The following CBL variants were observed in gnomAD, a reference collection of about 807,000 sequenced individuals.
CBL encodes the protein E3 ubiquitin-protein ligase CBL.
A neutral mutation model predicts 96.9 loss-of-function variants in CBL; 45 were observed. The ratio of observed to expected loss-of-function variants is 0.46; its 90% CI spans 0.37 to 0.60. The LOEUF (loss-of-function observed/expected upper bound fraction) is 0.60. Ranked by LOEUF, CBL falls within the 20% of genes least tolerant of loss-of-function variation. The pLI, the probability that CBL is intolerant of heterozygous loss-of-function variation, is 0.00. For missense variants in CBL, 1,024 were observed against 1,143.5 expected (o/e 0.90, Z 1.51); for synonymous variants, 420 against 426.8 (o/e 0.98, Z 0.20).
At chr11:119,298,290 C>T in intron 14 of CBL, 68 bp from the exon 15 acceptor site, 3 of 1,360,758 alleles carry the variant, frequency 2.2e-6, no homozygotes, top group African/African-American at 1.4e-5. Flanking sequence ...TGAATGGCTG[C>T]CCCGTATTGA....
intron 2 of CBL, 57 bp from the exon 3 acceptor site, chr11:119,271,678 G>A (rs1949849878): frequency 3.5e-6 from 5 of 1,412,914 alleles, no homozygotes; most frequent in South Asian, 2.3e-5. Context: ...TGAATTTGGT[G>A]CATTTAAAAT....
intron 1 of CBL, among the ~76,000 whole-genome samples, chr11:119,230,521 G>A (rs1015000255): frequency 2.0e-5 from 3 of 152,114 alleles, no homozygotes; most frequent in African/African-American, 7.2e-5. Context: ...AGGTTGTTTT[G>A]AACCAAATAT....
chr11:119,288,497 C>T (rs565690281), intron 12 of CBL, among the ~76,000 whole-genome samples: 26 of 151,872 alleles, frequency 1.7e-4, no homozygotes, highest in African/African-American at 5.3e-4. Flanking sequence ...AGAGAGAGCA[C>T]GCACAAGCTC....
At chr11:119,211,507 T>C (rs1395171986) in intron 1 of CBL, among the ~76,000 whole-genome samples, 1 of 152,056 alleles carries the variant, frequency 6.6e-6, no homozygotes, top group African/African-American at 2.4e-5. Flanking sequence ...TTACAACTCT[T>C]TTTATTTTTT....
chr11:119,287,991 G>A (rs781112636), intron 12 of CBL, 45 bp downstream of exon 12: 4 of 1,341,106 alleles, frequency 3.0e-6, no homozygotes, highest in Admixed American at 1.7e-5. Context: ...GTTGTTACTT[G>A]TAAAAAGCTT....
At chr11:119,207,336 T>C (rs964754395) in intron 1 of CBL, among the ~76,000 whole-genome samples, 2 of 152,236 alleles carry the variant, frequency 1.3e-5, no homozygotes, top group South Asian at 2.1e-4. Context: ...TATTATCTTC[T>C]GAAAGATGGA....
chr11:119,210,128 A>G (rs969100185), intron 1 of CBL, among the ~76,000 whole-genome samples: 1 of 152,114 alleles, frequency 6.6e-6, no homozygotes, highest in African/African-American at 2.4e-5. Context: ...TGTAATCCCA[A>G]CACTTTGGGA....
intron 11 of CBL, among the ~76,000 whole-genome samples, chr11:119,287,441 A>G (rs1228086388): frequency 2.0e-5 from 3 of 152,200 alleles, no homozygotes; most frequent in African/African-American, 7.2e-5. Context: ...TTGCAGAGAA[A>G]GGGTAATGCT....
At chr11:119,245,072 T>C (rs1367738792) in intron 2 of CBL, among the ~76,000 whole-genome samples, 1 of 151,798 alleles carries the variant, frequency 6.6e-6, no homozygotes, top group African/African-American at 2.4e-5. Flanking sequence ...GGGTCCCACT[T>C]TGTTGCCCAG....
Position 119,299,491 on chromosome 11 carries a change from C to G in CBL, c.2435-4C>G, listed in dbSNP as rs770832773. 6.2e-7 allele frequency: 1 copy of G among 1,613,718 alleles called. No homozygotes were observed. The highest frequency in any genetic ancestry group is 1.3e-5 in the African/African-American group (1 of 75,038). The stretch of plus-strand genomic sequence containing the variant: ...GCAAATATTTTCTTTCCTATTTCTT[C>G]TAGATGTCACTGAAGGTTCCCAAGT... On this transcript the variant is annotated splice_polypyrimidine_tract_variant and splice_region_variant and intron_variant, in intron 15 of 15. Coordinates refer to ENST00000264033, the MANE Select transcript of CBL (RefSeq NM_005188.4).
At chr11:119,239,641 G>A (rs750249259) in intron 2 of CBL, among the ~76,000 whole-genome samples, 11 of 152,144 alleles carry the variant, frequency 7.2e-5, no homozygotes, top group Non-Finnish European at 1.3e-4. Flanking sequence ...ATCAGGAGTG[G>A]CCATCTTTGT....
At chr11:119,228,013 G>A (rs754382164) in intron 1 of CBL, among the ~76,000 whole-genome samples, 12 of 151,380 alleles carry the variant, frequency 7.9e-5, no homozygotes, top group Non-Finnish European at 1.8e-4. Flanking sequence ...TTAACTTACA[G>A]CCTCCATATG....
chr11:119,277,108 G>T (rs1053595099), intron 6 of CBL, among the ~76,000 whole-genome samples: 21 of 152,100 alleles, frequency 1.4e-4, no homozygotes, highest in Non-Finnish European at 1.3e-4. Context: ...TTAGCCGGAC[G>T]TGGTGGTGGG....
chr11:119,206,510 C>A lies in CBL; in HGVS notation c.93C>A (p.Asp31Glu), dbSNP rs376679438. The A allele has an allele frequency of 2.7e-5, 42 of 1,562,144 alleles. No individual in the cohort carries two copies. Among genetic ancestry groups the A allele is most frequent in the Non-Finnish European group, 3.6e-5 (42 of 1,154,790 alleles). ...GTGGCCTGATTGGGCTCATGAAGGA[C>A]GCCTTCCAGCCGCACCACCACCACC... is the stretch of plus-strand genomic sequence containing the variant. The part of the protein sequence containing the change: ...GSGGLIGLMK[D>E]AFQPHHHHHH... Residue 31 changes from aspartate to glutamate, a missense_variant, in exon 1 of 16, where the codon GAC becomes GAA. Transcript: ENST00000264033.
Position 119,299,740 on chromosome 11 carries a change from G to C in CBL, c.2680G>C (p.Glu894Gln), listed in dbSNP as rs1318882408. ...CGAGATGGCCAAAAACATCCTCCGG[G>C]AATTTGTTTCCATTTCTTCTCCTGC... ...NIEMAKNILR[E>Q]FVSISSPAHV... Residue 894 changes from glutamate (E) to glutamine (Q), a missense_variant, in exon 16 of 16, where the codon GAA becomes CAA. Glu to Gln is a conservative substitution (Grantham distance 29). This residue lies in a region of CBL where 23 missense variants were observed against 42.7 expected (regional missense o/e 0.54). Coordinates refer to ENST00000264033, the MANE Select transcript of CBL (RefSeq NM_005188.4). The C allele has an allele frequency of 6.2e-7, 1 of 1,614,194 alleles. No homozygotes were observed. Among genetic ancestry groups the C allele is most frequent in the Non-Finnish European group, 8.5e-7 (1 of 1,180,042 alleles).
intron 5 of CBL, among the ~76,000 whole-genome samples, chr11:119,275,263 A>G (rs1296526696): frequency 6.6e-6 from 1 of 151,876 alleles, no homozygotes; most frequent in Non-Finnish European, 1.5e-5. Flanking sequence ...AAGTGGTAAA[A>G]CCCTGTCTCT....
chr11:119,283,529 A>T (rs953810882), intron 9 of CBL, among the ~76,000 whole-genome samples: 3 of 152,002 alleles, frequency 2.0e-5, no homozygotes, highest in Non-Finnish European at 2.9e-5. Context: ...TAGGCAGGGA[A>T]ATGGAAAAGG....
In CBL at chr11:119,277,612, A is replaced by AT. The variant is rs1326091264; in HGVS notation, c.1008-135dup. ...TTTTGAAGTATTATTTTTTGGAAGTATTTTTTTTTTGAAGTAAGATTGATC... is the reference window on the plus strand; with the variant it reads ...TTTTGAAGTATTATTTTTTGGAAGTATTTTTTTTTTTGAAGTAAGATTGATC... On this transcript the variant is annotated intron_variant, in intron 6 of 15. Transcript: ENST00000264033. 7.4e-3 allele frequency: 4,183 copies of AT among 568,160 alleles called. 66 individuals are homozygous for AT. Among genetic ancestry groups the AT allele is most frequent in the African/African-American group, 0.052 (2,703 of 51,586 alleles). The allele number at this position is 568,160 out of a possible 1,614,324, so 35.2% of individuals were successfully genotyped here. A position where few individuals can be genotyped will look rare whatever the true frequency, so the allele number is the denominator to read the frequency against.
At chr11:119,286,859 A>C (rs1949988209) in intron 11 of CBL, among the ~76,000 whole-genome samples, 1 of 152,230 alleles carries the variant, frequency 6.6e-6, no homozygotes, top group Non-Finnish European at 1.5e-5. Context: ...GGAAGATGGA[A>C]TATAAACATG....
Sources: gnomAD v4.1 joint callset for allele counts (sites outside exome capture counted in the v4.1 genomes callset) on GRCh38, gnomAD v4.1.1 for gene constraint, gnomAD v4.1.1 regional missense constraint, MANE v1.5 for transcripts, NCBI Gene and HGNC (gene_info 2026-07-23, HGNC 2026-07-21) for gene names.